Variants in PLAAT3 observed in about 807,000 individuals in gnomAD.
PLAAT3 encodes phospholipase A and acyltransferase 3.
PLAAT3 carries 21 observed loss-of-function variants against 16.7 expected under a neutral mutation model. The observed-to-expected ratio is 1.26, with a 90% CI of 0.89 to 1.81. PLAAT3 has a LOEUF of 1.81. PLAAT3 is among the 40% of genes most tolerant of loss of function. The pLI is 0.00. For missense variants in PLAAT3, 219 were observed against 213.7 expected (o/e 1.02, Z -0.16); for synonymous variants, 76 against 81.7 (o/e 0.93, Z 0.38).
chr11:63,603,745 CACACACACAG>C (rs59704959), intron 2 of PLAAT3, among the ~76,000 whole-genome samples: 8,736 of 77,158 alleles, frequency 0.11, 467 homozygotes, highest in African/African-American at 0.21. Context: ...CACACACACA[CACACACACAG>C]ACAGAGATAT....
At chr11:63,580,509 C>G (rs948406422) in intron 4 of PLAAT3, among the ~76,000 whole-genome samples, 3 of 152,090 alleles carry the variant, frequency 2.0e-5, no homozygotes, top group Non-Finnish European at 4.4e-5. Context: ...CAAAAATTAG[C>G]CAGGCGTGGT....
intron 2 of PLAAT3, 62 bp from the exon 3 acceptor site, chr11:63,598,225 CAGTG>C: frequency 8.6e-7 from 1 of 1,163,420 alleles, no homozygotes; most frequent in South Asian, 1.2e-5. Context: ...GGACAGGGCT[CAGTG>C]AGGAAGGTGC....
At chr11:63,590,039 C>A (rs749349836) in intron 4 of PLAAT3, 61 bp downstream of exon 4, 1 of 1,535,368 alleles carries the variant, frequency 6.5e-7, no homozygotes, top group Non-Finnish European at 8.9e-7. Flanking sequence ...CCATGCCCAG[C>A]CTCCGTCAGC....
chr11:63,599,651 C>T (rs1431502039), intron 2 of PLAAT3, among the ~76,000 whole-genome samples: 3 of 152,066 alleles, frequency 2.0e-5, no homozygotes, highest in Admixed American at 6.6e-5. Context: ...TCAGTTCTTA[C>T]TGAGAACCTA....
intron 3 of PLAAT3, among the ~76,000 whole-genome samples, chr11:63,597,663 T>C (rs919366482): frequency 6.6e-6 from 1 of 152,212 alleles, no homozygotes; most frequent in Non-Finnish European, 1.5e-5. Flanking sequence ...GTAGGGTTCA[T>C]GCTCCTATGA....
At position 63,590,272 on chromosome 11, in the gene PLAAT3, T is replaced by A. The variant is rs759694393; in HGVS notation, c.215A>T (p.Asp72Val). The A allele has an allele frequency of 2.7e-5, 43 of 1,614,106 alleles. No individual in the cohort carries two copies. Among genetic ancestry groups the A allele is most frequent in the Non-Finnish European group, 4.2e-6 (5 of 1,180,020 alleles). Residue 72 changes from aspartate (D) to valine (V), a missense_variant, in exon 4 of 5, where the codon GAC (aspartate) becomes GTC (valine). Transcript: ENST00000415826. ...KELLYDVAGS[D>V]KYQVNNKHDD... ...ATGTTTGTTGTTGACCTGGTACTTGTCACTCCCGGCCACATCATACAGCAA... is the reference window on the plus strand; with the variant it reads ...ATGTTTGTTGTTGACCTGGTACTTGACACTCCCGGCCACATCATACAGCAA...
Position 63,590,130 on chromosome 11 carries a change from C to T in PLAAT3, c.357G>A (p.Glu119=), listed in dbSNP as rs1025089439. The change falls in exon 4 of 5, where the codon GAG becomes GAA. Residue 119 remains glutamate, a synonymous_variant. Coordinates refer to ENST00000415826, the MANE Select transcript of PLAAT3 (RefSeq NM_001128203.2). ...CACTGCGGGCGACTCCATAGCGCAG[C>T]TCATTCACAAAGTGCTCGCAGTTCT... ...TSENCEHFVN[E]LRYGVARSDQ... The T allele has an allele frequency of 1.2e-6, 2 of 1,614,200 alleles. No homozygotes were observed. The highest frequency in any genetic ancestry group is 8.5e-7 in the Non-Finnish European group (1 of 1,180,044).
At chr11:63,609,443 C>T (rs1028731122) in intron 2 of PLAAT3, among the ~76,000 whole-genome samples, 1 of 152,260 alleles carries the variant, frequency 6.6e-6, no homozygotes, top group African/African-American at 2.4e-5. Flanking sequence ...CTCCAAGGAT[C>T]ACTTCACCTC....
intron 2 of PLAAT3, among the ~76,000 whole-genome samples, chr11:63,601,395 ATTT>A (rs397937285): frequency 6.9e-6 from 1 of 144,632 alleles, no homozygotes. Context: ...AAAAGCTGTA[ATTT>A]TTTTTTTTTT....
chr11:63,590,438 C>G, intron 3 of PLAAT3, 70 bp from the exon 4 acceptor site: 1 of 1,435,990 alleles, frequency 7.0e-7, no homozygotes, highest in South Asian at 1.2e-5. Context: ...GAGCTGGCCC[C>G]CAGCCGGGCA....
At chr11:63,597,410 C>T (rs1466727762) in intron 3 of PLAAT3, among the ~76,000 whole-genome samples, 1 of 152,092 alleles carries the variant, frequency 6.6e-6, no homozygotes, top group African/African-American at 2.4e-5. Context: ...TGAGTAGTCC[C>T]AGCTACTCAG....
chr11:63,589,899 C>T, intron 4 of PLAAT3, among the ~76,000 whole-genome samples: 1 of 151,274 alleles, frequency 6.6e-6, no homozygotes, highest in Non-Finnish European at 1.5e-5. Flanking sequence ...CACCCCCGCC[C>T]CCGACTACAC....
intron 4 of PLAAT3, among the ~76,000 whole-genome samples, chr11:63,588,214 T>G (rs1565249513): frequency 6.6e-6 from 1 of 152,022 alleles, no homozygotes; most frequent in Non-Finnish European, 1.5e-5. Flanking sequence ...AGATTACAGA[T>G]GCCCAGCACC....
intron 2 of PLAAT3, among the ~76,000 whole-genome samples, chr11:63,599,713 G>GAA (rs146773613): frequency 6.8e-6 from 1 of 146,966 alleles, no homozygotes; most frequent in African/African-American, 2.5e-5. Flanking sequence ...TGTTTTCCAG[G>GAA]AAAAAAAAAA....
At chr11:63,577,700 C>T (rs898563384) in intron 4 of PLAAT3, among the ~76,000 whole-genome samples, 22 of 152,110 alleles carry the variant, frequency 1.4e-4, no homozygotes, top group African/African-American at 5.3e-4. Context: ...CAAAAGGAAA[C>T]GTCCTTTTAA....
chr11:63,615,082 A>ATATATG (rs1565259628), upstream of PLAAT3, among the ~76,000 whole-genome samples: 4 of 33,100 alleles, frequency 1.2e-4, 2 homozygotes, highest in Admixed American at 5.9e-4. Flanking sequence ...ATATGTGTGT[A>ATATATG]TATATGTGTA....
At chr11:63,587,557 CTT>C (rs202174219) in intron 4 of PLAAT3, among the ~76,000 whole-genome samples, 1 of 136,708 alleles carries the variant, frequency 7.3e-6, no homozygotes. Flanking sequence ...TTTCTTGGGT[CTT>C]TTTTTTTTTT....
chr11:63,605,474 T>C (rs984603493), intron 2 of PLAAT3, among the ~76,000 whole-genome samples: 8 of 152,224 alleles, frequency 5.3e-5, no homozygotes, highest in African/African-American at 9.6e-5. Flanking sequence ...TGTGCAATTA[T>C]GTGACTGTAT....
intron 2 of PLAAT3, among the ~76,000 whole-genome samples, chr11:63,605,936 C>T (rs1299549402): frequency 1.3e-5 from 2 of 152,124 alleles, no homozygotes; most frequent in African/African-American, 4.8e-5. Context: ...CACAGCCGAC[C>T]CGCGCTCTGT....
Sources: gnomAD v4.1 joint callset for allele counts (sites outside exome capture counted in the v4.1 genomes callset) on GRCh38, gnomAD v4.1.1 for gene constraint, MANE v1.5 for transcripts, NCBI Gene and HGNC (gene_info 2026-07-23, HGNC 2026-07-21) for gene names.